LIN9: variants seen among roughly 807,000 people sequenced by gnomAD.
LIN9 encodes lin-9 DREAM MuvB core complex component.
A neutral mutation model predicts 78.0 loss-of-function variants in LIN9; 18 were observed. The ratio of observed to expected loss-of-function variants is 0.23; its 90% CI spans 0.16 to 0.34. LIN9 has a LOEUF of 0.34. LIN9 is among the 10% of genes least tolerant of loss of function. The probability of loss-of-function intolerance (pLI) is 1.00; values close to 1 mark genes in which losing one functional copy is unlikely to be tolerated. For synonymous variants in LIN9, 192 were observed against 215.2 expected, an observed-to-expected ratio of 0.89 and a Z score of 0.94; for missense variants, 451 against 644.1, an observed-to-expected ratio of 0.70 and a Z score of 3.25.
At chr1:226,256,598 A>G (rs185931738) in intron 10 of LIN9, among the ~76,000 whole-genome samples, 203 of 151,608 alleles carry the variant, frequency 1.3e-3, no homozygotes, top group African/African-American at 4.6e-3. Context: ...TCGCTCTGTC[A>G]CCCAGGCTGG....
intron 6 of LIN9, among the ~76,000 whole-genome samples, chr1:226,281,746 T>C (rs1195058795): frequency 6.6e-6 from 1 of 150,540 alleles, no homozygotes; most frequent in Non-Finnish European, 1.5e-5. Flanking sequence ...CAGGCTGGAG[T>C]GCAGTGGTGT....
At chr1:226,260,649 T>G (rs1232362873) in intron 10 of LIN9, among the ~76,000 whole-genome samples, 1 of 128,892 alleles carries the variant, frequency 7.8e-6, no homozygotes, top group African/African-American at 3.0e-5. Context: ...TTTTTTTTTT[T>G]TTTTTTTTTT....
intron 1 of LIN9, among the ~76,000 whole-genome samples, chr1:226,302,847 C>T (rs2102679666): frequency 6.6e-6 from 1 of 152,312 alleles, no homozygotes; most frequent in South Asian, 2.1e-4. Context: ...TTATGAAACA[C>T]TTCATCTCAG....
At chr1:226,303,327 T>A (rs1053025850) in intron 1 of LIN9, among the ~76,000 whole-genome samples, 1 of 152,114 alleles carries the variant, frequency 6.6e-6, no homozygotes, top group African/African-American at 2.4e-5. Context: ...ATTCTAGTGA[T>A]GGGAGGCAAA....
At chr1:226,291,435 GA>G (rs1661785436) in intron 4 of LIN9, among the ~76,000 whole-genome samples, 1 of 151,826 alleles carries the variant, frequency 6.6e-6, no homozygotes, top group Non-Finnish European at 1.5e-5. Flanking sequence ...GTAATTTTTA[GA>G]ATACATACAT....
chr1:226,270,668 C>CA (rs961110450), intron 7 of LIN9, among the ~76,000 whole-genome samples: 1 of 151,328 alleles, frequency 6.6e-6, no homozygotes, highest in African/African-American at 2.4e-5. Flanking sequence ...CAAAAACATA[C>CA]AAAAAAATTA....
chr1:226,287,520 T>C (rs1661447292), intron 5 of LIN9, 144 bp downstream of exon 5: 1 of 548,322 alleles, frequency 1.8e-6, no homozygotes, highest in African/African-American at 2.0e-5. Flanking sequence ...ATAGAATAGA[T>C]CCAACTGGAA....
At chr1:226,278,545 C>T (rs924732890) in intron 6 of LIN9, among the ~76,000 whole-genome samples, 29 of 152,232 alleles carry the variant, frequency 1.9e-4, no homozygotes, top group Non-Finnish European at 2.1e-4. Flanking sequence ...TGTTTCTGGC[C>T]GGGCGTGGTG....
intron 6 of LIN9, among the ~76,000 whole-genome samples, chr1:226,279,391 T>A (rs1392438867): frequency 6.7e-6 from 1 of 149,420 alleles, no homozygotes; most frequent in Non-Finnish European, 1.5e-5. Context: ...CCCAGGAAGT[T>A]GAGGCTGCAA....
At chr1:226,262,920 G>A (rs909529768) in intron 10 of LIN9, among the ~76,000 whole-genome samples, 3 of 152,166 alleles carry the variant, frequency 2.0e-5, no homozygotes, top group Non-Finnish European at 4.4e-5. Context: ...TAAATAAACT[G>A]TGGTACATCC....
Position 226,232,183 on chromosome 1 carries a change from C to T in LIN9, c.*318G>A. On this transcript the variant is annotated 3_prime_UTR_variant, in exon 15 of 15. Coordinates refer to ENST00000681046, the MANE Select transcript of LIN9 (RefSeq NM_001366245.2). ...CTGCATGTGTTGCGGTGAATTCATG[C>T]ACATTAAAAAAAATGGTCAATGTAT... 1 of 399,990 alleles carries T rather than the reference C, an allele frequency of 2.5e-6. No individual in the cohort carries two copies. The highest frequency in any genetic ancestry group is 4.4e-5 in the Admixed American group (1 of 22,770). The allele number at this position is 399,990 out of a possible 1,614,324, so 24.8% of individuals were successfully genotyped here.
intron 10 of LIN9, among the ~76,000 whole-genome samples, chr1:226,252,164 T>TC (rs914849627): frequency 1.9e-4 from 29 of 152,016 alleles, no homozygotes; most frequent in African/African-American, 6.3e-4. Flanking sequence ...GCATCTGTAG[T>TC]CCCAGTTACT....
intron 7 of LIN9, among the ~76,000 whole-genome samples, chr1:226,271,962 CCTGT>C (rs1284054641): frequency 5.9e-5 from 9 of 151,782 alleles, no homozygotes; most frequent in East Asian, 3.8e-4. Flanking sequence ...TTGCTTTCAA[CCTGT>C]CTATGATTTT....
chr1:226,281,815 C>T (rs1450655926), intron 6 of LIN9, among the ~76,000 whole-genome samples: 1 of 151,552 alleles, frequency 6.6e-6, no homozygotes, highest in African/African-American at 2.4e-5. Context: ...TGCCTCAGCC[C>T]CCTGAGTAGC....
intron 3 of LIN9, among the ~76,000 whole-genome samples, chr1:226,297,078 C>G (rs148345678): frequency 3.3e-5 from 5 of 152,084 alleles, no homozygotes; most frequent in Non-Finnish European, 5.9e-5. Flanking sequence ...TACACTGCCC[C>G]CCTTCCCTGA....
chr1:226,283,804 C>T (rs764112399), intron 6 of LIN9, among the ~76,000 whole-genome samples: 21 of 152,020 alleles, frequency 1.4e-4, no homozygotes, highest in Middle Eastern at 3.4e-3. Context: ...AAAAGTTAGC[C>T]AGGCATGGTG....
intron 6 of LIN9, among the ~76,000 whole-genome samples, chr1:226,278,550 G>A (rs371009632): frequency 1.9e-4 from 29 of 152,262 alleles, no homozygotes; most frequent in African/African-American, 6.7e-4. Flanking sequence ...CTGGCCGGGC[G>A]TGGTGGCTCA....
chr1:226,266,705 A>G (rs1417471696), intron 8 of LIN9, among the ~76,000 whole-genome samples: 2 of 151,954 alleles, frequency 1.3e-5, no homozygotes, highest in Non-Finnish European at 2.9e-5. Flanking sequence ...TTAAAAATCA[A>G]CTCTTATTTA....
chr1:226,260,642 T>G (rs1297017081), intron 10 of LIN9, among the ~76,000 whole-genome samples: 13 of 122,800 alleles, frequency 1.1e-4, no homozygotes, highest in Admixed American at 1.6e-4. Context: ...TTTTTTTTTT[T>G]TTTTTTTTTT....
Sources: gnomAD v4.1 joint callset for allele counts (sites outside exome capture counted in the v4.1 genomes callset) on GRCh38, gnomAD v4.1.1 for gene constraint, MANE v1.5 for transcripts, NCBI Gene and HGNC (gene_info 2026-07-23, HGNC 2026-07-21) for gene names.